Variants in TEX9 observed in about 807,000 individuals in gnomAD.
TEX9 encodes the protein testis expressed 9.
Under a neutral mutation model 59.6 loss-of-function variants are expected in TEX9, and 74 were observed. That is an observed-to-expected ratio of 1.24 (90% CI 1.03 to 1.51). The LOEUF (loss-of-function observed/expected upper bound fraction) is 1.51. TEX9 is among the 40% of genes most tolerant of loss of function. TEX9 has a pLI of 0.00. For synonymous variants in TEX9, 186 were observed against 152.2 expected, an observed-to-expected ratio of 1.22 and a Z score of -1.64; for missense variants, 522 against 447.8, an observed-to-expected ratio of 1.17 and a Z score of -1.49.
the TEX9 span, among the ~76,000 whole-genome samples, chr15:56,460,009 A>AAAAAAAAAAAAAAAAATATATAT: frequency 3.8e-5 from 1 of 26,388 alleles, no homozygotes; most frequent in African/African-American, 1.5e-4. Flanking sequence ...AAAAAAAAAA[A>AAAAAAAAAAAAAAAAATATATAT]ATACATATAT....
intron 1 of TEX9, among the ~76,000 whole-genome samples, chr15:56,275,898 A>G (rs886147056): frequency 2.2e-4 from 33 of 152,078 alleles, no homozygotes; most frequent in Non-Finnish European, 3.8e-4. Context: ...CTAACTGAGT[A>G]TAGAACTCTA....
intron 1 of TEX9, among the ~76,000 whole-genome samples, chr15:56,343,963 G>C (rs772127281): frequency 1.3e-5 from 2 of 152,096 alleles, no homozygotes; most frequent in Non-Finnish European, 2.9e-5. Context: ...CCAAACTACA[G>C]TGAGATACCA....
chr15:56,266,374 G>C (rs1427259344), intron 1 of TEX9, among the ~76,000 whole-genome samples: 1 of 150,842 alleles, frequency 6.6e-6, no homozygotes, highest in Non-Finnish European at 1.5e-5. Flanking sequence ...TGTGCACTAT[G>C]TGCAGGTTTC....
intron 1 of TEX9, among the ~76,000 whole-genome samples, chr15:56,252,187 T>C (rs1193282169): frequency 6.6e-6 from 1 of 152,110 alleles, no homozygotes; most frequent in African/African-American, 2.4e-5. Context: ...TACTATCTCA[T>C]TGTAGGCTAA....
intron 1 of TEX9, among the ~76,000 whole-genome samples, chr15:56,343,347 C>T (rs1463376399): frequency 6.6e-6 from 1 of 151,694 alleles, no homozygotes; most frequent in South Asian, 2.1e-4. Flanking sequence ...AGAAGAATAG[C>T]AAATCAAACC....
intron 1 of TEX9, among the ~76,000 whole-genome samples, chr15:56,349,943 C>G (rs1254202069): frequency 6.6e-6 from 1 of 152,038 alleles, no homozygotes; most frequent in Non-Finnish European, 1.5e-5. Context: ...GTTCATTTGT[C>G]AAGAATCGGT....
intron 1 of TEX9, among the ~76,000 whole-genome samples, chr15:56,352,916 C>T (rs1378962125): frequency 6.6e-6 from 1 of 152,168 alleles, no homozygotes; most frequent in Non-Finnish European, 1.5e-5. Context: ...TTCTAAATAT[C>T]TTTAAATTGC....
At chr15:56,276,146 C>CT (rs1386767657) in intron 1 of TEX9, among the ~76,000 whole-genome samples, 2 of 151,228 alleles carry the variant, frequency 1.3e-5, no homozygotes, top group South Asian at 2.1e-4. Flanking sequence ...CTTCTCTAAA[C>CT]TTTTTTTTTA....
the TEX9 span, among the ~76,000 whole-genome samples, chr15:56,453,089 G>A: frequency 2.4e-4 from 36 of 151,936 alleles, no homozygotes; most frequent in Admixed American, 2.0e-4. Flanking sequence ...ATGTTTCTTT[G>A]TTTCCAGGTG....
intron 9 of TEX9, among the ~76,000 whole-genome samples, chr15:56,399,913 C>G (rs1236322876): frequency 6.6e-6 from 1 of 152,160 alleles, no homozygotes; most frequent in East Asian, 1.9e-4. Flanking sequence ...ACAGGGAAAG[C>G]TAACAAACAG....
the TEX9 span, among the ~76,000 whole-genome samples, chr15:56,460,009 A>AAATATATATATATATATAT: frequency 1.1e-4 from 3 of 26,404 alleles, 1 homozygote; most frequent in African/African-American, 4.5e-4. Flanking sequence ...AAAAAAAAAA[A>AAATATATATATATATATAT]ATACATATAT....
intron 1 of TEX9, among the ~76,000 whole-genome samples, chr15:56,276,446 GTGTTAGTT>G (rs1267880742): frequency 6.6e-6 from 1 of 152,068 alleles, no homozygotes; most frequent in Non-Finnish European, 1.5e-5. Flanking sequence ...TTCTGTTCCC[GTGTTAGTT>G]TGCTGAGGAT....
intron 12 of TEX9, chr15:56,428,764 C>G (rs2050451922): frequency 5.7e-6 from 2 of 350,178 alleles, no homozygotes; most frequent in South Asian, 6.0e-5. Context: ...CTGGCTAAAT[C>G]AAGTAAGTAA....
chr15:56,264,135 T>A (rs1302503320), intron 1 of TEX9, among the ~76,000 whole-genome samples: 1 of 152,224 alleles, frequency 6.6e-6, no homozygotes, highest in Non-Finnish European at 1.5e-5. Flanking sequence ...TAAGTATACA[T>A]TTAAATTAAG....
chr15:56,296,671 A>G (rs1239993601), intron 1 of TEX9, among the ~76,000 whole-genome samples: 2 of 152,224 alleles, frequency 1.3e-5, no homozygotes, highest in African/African-American at 4.8e-5. Context: ...TGAGTAATTC[A>G]AAAGTAATTT....
chr15:56,245,066 T>A (rs1300797359), intron 1 of TEX9, among the ~76,000 whole-genome samples: 1 of 152,198 alleles, frequency 6.6e-6, no homozygotes, highest in African/African-American at 2.4e-5. Context: ...ATCAGGTTTC[T>A]ACCTGTTAGA....
chr15:56,343,147 G>C (rs149612265), intron 1 of TEX9, among the ~76,000 whole-genome samples: 9 of 152,072 alleles, frequency 5.9e-5, no homozygotes, highest in Non-Finnish European at 1.5e-5. Context: ...ATTTAAAACA[G>C]TTCATAGATC....
At chr15:56,447,336 C>G (rs559449337), downstream of TEX9, 12 of 157,544 alleles carry the variant, frequency 7.6e-5, no homozygotes, top group South Asian at 1.3e-3. Context: ...TGTCAGACTT[C>G]ACAATAAACA....
intron 1 of TEX9, among the ~76,000 whole-genome samples, chr15:56,334,699 C>T (rs2046225514): frequency 6.6e-6 from 1 of 151,968 alleles, no homozygotes; most frequent in South Asian, 2.1e-4. Context: ...GGAAACAATC[C>T]ACAAAGTGAA....
Sources: allele counts gnomAD v4.1 joint callset (sites outside exome capture counted in the v4.1 genomes callset), GRCh38; gene constraint gnomAD v4.1.1; transcripts MANE v1.5; gene names NCBI Gene and HGNC (gene_info 2026-07-23, HGNC 2026-07-21).